The following CACNG3 variants were observed in gnomAD, a reference collection of about 807,000 sequenced individuals.
CACNG3 encodes voltage-dependent calcium channel gamma-3 subunit.
In CACNG3, 3 loss-of-function variants were observed where a neutral mutation model predicts 28.5. That is an observed-to-expected ratio of 0.11 (90% CI 0.05 to 0.27). CACNG3 has a LOEUF of 0.27. Among genes scored for constraint, CACNG3 ranks in the 10% least tolerant of loss-of-function variants. The pLI is 1.00. For missense variants in CACNG3, 236 were observed against 414.4 expected (o/e 0.57, Z 3.74); for synonymous variants, 174 against 162.2 (o/e 1.07, Z -0.55).
intron 1 of CACNG3, among the ~76,000 whole-genome samples, chr16:24,262,678 T>A (rs575338801): frequency 3.3e-5 from 5 of 152,218 alleles, no homozygotes; most frequent in Non-Finnish European, 7.3e-5. Flanking sequence ...TTGTTACATA[T>A]TTTAAATCTC....
intron 1 of CACNG3, among the ~76,000 whole-genome samples, chr16:24,335,700 T>C (rs181494569): frequency 2.6e-5 from 4 of 152,192 alleles, no homozygotes; most frequent in Admixed American, 2.6e-4. Flanking sequence ...CTTCATGGGA[T>C]TGTGAGGAAT....
At chr16:24,324,607 G>C (rs1396245989) in intron 1 of CACNG3, among the ~76,000 whole-genome samples, 1 of 152,044 alleles carries the variant, frequency 6.6e-6, no homozygotes, top group East Asian at 1.9e-4. Context: ...GCAGCCTGAG[G>C]GACCATTTAC....
chr16:24,321,168 G>A (rs917902638), intron 1 of CACNG3, among the ~76,000 whole-genome samples: 7 of 152,116 alleles, frequency 4.6e-5, no homozygotes, highest in South Asian at 2.1e-4. Context: ...TCACTTAACC[G>A]TTGGCTTGGT....
At chr16:24,269,768 GAGAA>G in intron 1 of CACNG3, among the ~76,000 whole-genome samples, 1 of 116,432 alleles carries the variant, frequency 8.6e-6, no homozygotes, top group South Asian at 2.7e-4. Flanking sequence ...AAAAAAAAAA[GAGAA>G]AGAAGAAAGA....
chr16:24,358,633 C>T (rs898768652), intron 3 of CACNG3, among the ~76,000 whole-genome samples: 1 of 152,172 alleles, frequency 6.6e-6, no homozygotes, highest in African/African-American at 2.4e-5. Context: ...AGTCCCTGCC[C>T]TCAGGGAGTT....
chr16:24,275,723 A>G (rs917675144), intron 1 of CACNG3, among the ~76,000 whole-genome samples: 1 of 152,206 alleles, frequency 6.6e-6, no homozygotes, highest in African/African-American at 2.4e-5. Flanking sequence ...TTCAAGTGAT[A>G]ATTATGATTT....
At chr16:24,333,003 G>C (rs1038190021) in intron 1 of CACNG3, among the ~76,000 whole-genome samples, 4 of 152,170 alleles carry the variant, frequency 2.6e-5, no homozygotes, top group Admixed American at 1.3e-4. Context: ...ATGATGATGT[G>C]ATAGACACAT....
intron 1 of CACNG3, among the ~76,000 whole-genome samples, chr16:24,310,670 GATA>G (rs1398494933): frequency 6.6e-6 from 1 of 152,198 alleles, no homozygotes; most frequent in East Asian, 1.9e-4. Flanking sequence ...GCCCCTGTGA[GATA>G]GGTATTGTTG....
intron 1 of CACNG3, among the ~76,000 whole-genome samples, chr16:24,331,411 C>A (rs924658028): frequency 1.3e-5 from 2 of 152,130 alleles, no homozygotes; most frequent in Non-Finnish European, 2.9e-5. Context: ...TAAGGCAGTA[C>A]CCTCTCTCGA....
chr16:24,269,743 T>A (rs2141346797), intron 1 of CACNG3, among the ~76,000 whole-genome samples: 2 of 38,478 alleles, frequency 5.2e-5, no homozygotes, highest in African/African-American at 1.6e-4. Flanking sequence ...AGAGACTCCA[T>A]CTCAAAAAAA....
chr16:24,362,193 AG>A lies in CACNG3; in HGVS notation c.*336del. 4.6e-6 allele frequency: 1 copy of A among 217,192 alleles called. No individual in the cohort carries two copies. Among genetic ancestry groups the A allele is most frequent in the Non-Finnish European group, 9.1e-6 (1 of 109,518 alleles). The allele number at this position is 217,192 out of a possible 1,614,324, so 13.5% of individuals were successfully genotyped here. A position where few individuals can be genotyped will look rare whatever the true frequency, so the allele number is the denominator to read the frequency against. ...TTACTAAAAGTCACAGGTGGTGGCC[AG>A]GGGGGATTTCCGAATCTCCATCAGG... On this transcript the variant is annotated 3_prime_UTR_variant, in exon 4 of 4. Transcript: ENST00000005284.
chr16:24,346,657 A>G lies in CACNG3; in HGVS notation c.212-77A>G, dbSNP rs1899871643. On this transcript the variant is annotated intron_variant, in intron 1 of 3. Transcript: ENST00000005284. The stretch of plus-strand genomic sequence containing the variant: ...CAACAACCAGAGAAAGGATCTGCAC[A>G]TAGCGGTGAGGACCCAGGCTGGCCC... 5 of 920,134 alleles carry G rather than the reference A, an allele frequency of 5.4e-6. No homozygotes were observed. The Admixed American group carries it at 1.0e-4, about 18-fold the overall frequency. The allele number at this position is 920,134 out of a possible 1,614,324, so 57.0% of individuals were successfully genotyped here.
At chr16:24,321,754 G>A (rs1899462399) in intron 1 of CACNG3, among the ~76,000 whole-genome samples, 2 of 152,218 alleles carry the variant, frequency 1.3e-5, no homozygotes, top group Non-Finnish European at 2.9e-5. Context: ...ATTCAGGCAA[G>A]TTTTGCTGTC....
At chr16:24,318,526 C>T (rs1468200315) in intron 1 of CACNG3, among the ~76,000 whole-genome samples, 1 of 152,136 alleles carries the variant, frequency 6.6e-6, no homozygotes, top group Admixed American at 6.6e-5. Context: ...AATGAAAAAA[C>T]AGCAGCTTCT....
Position 24,356,794 on chromosome 16 carries a change from A to T in CACNG3, c.436+1821A>T, listed in dbSNP as rs1241663631. On this transcript the variant is annotated intron_variant, in intron 3 of 3. Coordinates refer to ENST00000005284, the MANE Select transcript of CACNG3 (RefSeq NM_006539.4). ...GTTTGTTCTCACACTGCTAATAAAGACATACCCGAGACTCAGTAATTTATA... is the reference window on the plus strand; with the variant it reads ...GTTTGTTCTCACACTGCTAATAAAGTCATACCCGAGACTCAGTAATTTATA... Among the ~76,000 whole-genome samples the T allele has an allele frequency of 2.0e-5, 3 of 152,202 alleles. No individual in the cohort carries two copies. The East Asian group carries it at 5.8e-4, about 29-fold the overall frequency.
At chr16:24,275,426 G>T (rs573846926) in intron 1 of CACNG3, among the ~76,000 whole-genome samples, 115 of 152,272 alleles carry the variant, frequency 7.6e-4, no homozygotes, top group Non-Finnish European at 1.3e-3. Context: ...CAGACCTTGA[G>T]TGCTAGATTT....
chr16:24,298,787 CT>C (rs1899066961), intron 1 of CACNG3, among the ~76,000 whole-genome samples: 1 of 152,130 alleles, frequency 6.6e-6, no homozygotes, highest in Non-Finnish European at 1.5e-5. Context: ...TCAAACTTTC[CT>C]TGTTTTTGAT....
chr16:24,343,363 T>C (rs1212716773), intron 1 of CACNG3, among the ~76,000 whole-genome samples: 1 of 152,220 alleles, frequency 6.6e-6, no homozygotes. Context: ...TTCTGACTGG[T>C]CTGTATTTAG....
chr16:24,308,839 C>CAAAAAAAAAAAACAAAAAA (rs1899221397), intron 1 of CACNG3, among the ~76,000 whole-genome samples: 1 of 27,270 alleles, frequency 3.7e-5, no homozygotes, highest in Non-Finnish European at 7.5e-5. Flanking sequence ...GAACCTACCT[C>CAAAAAAAAAAAACAAAAAA]AAAAAAAAAA....
Sources: gnomAD v4.1 joint callset for allele counts (sites outside exome capture counted in the v4.1 genomes callset) on GRCh38, gnomAD v4.1.1 for gene constraint, MANE v1.5 for transcripts, NCBI Gene and HGNC (gene_info 2026-07-23, HGNC 2026-07-21) for gene names.